The following RP1 variants were observed in gnomAD, a reference collection of about 807,000 sequenced individuals.
RP1 encodes oxygen-regulated protein 1.
RP1 carries 16 observed loss-of-function variants against 14.8 expected under a neutral mutation model. That is an observed-to-expected ratio of 1.08 (90% CI 0.73 to 1.65). The LOEUF (loss-of-function observed/expected upper bound fraction) is 1.65. Ranked by LOEUF, RP1 falls within the 40% of genes most tolerant of loss-of-function variation. RP1 has a pLI of 0.00. For synonymous variants in RP1, 876 were observed against 883.6 expected, an observed-to-expected ratio of 0.99 and a Z score of 0.15; for missense variants, 2,631 against 2,535.0, an observed-to-expected ratio of 1.04 and a Z score of -0.81.
At chr8:54,827,188 A>G (rs2129399495) in intron 24 of RP1, among the ~76,000 whole-genome samples, 1 of 151,626 alleles carries the variant, frequency 6.6e-6, no homozygotes, top group South Asian at 2.1e-4. Flanking sequence ...CTGGACACCA[A>G]GCCTACACTA....
intron 19 of RP1, among the ~76,000 whole-genome samples, chr8:54,741,611 G>A (rs1025535789): frequency 6.7e-6 from 1 of 149,254 alleles, no homozygotes; most frequent in African/African-American, 2.5e-5. Context: ...GCATTTCTTG[G>A]AAAGTATCCC....
intron 24 of RP1, among the ~76,000 whole-genome samples, chr8:54,827,253 T>C (rs1161985682): frequency 6.6e-6 from 1 of 152,200 alleles, no homozygotes; most frequent in Admixed American, 6.5e-5. Flanking sequence ...TAGCTTACTG[T>C]TTGATTTTTC....
rs1264975642 is a variant in RP1 at position 54,629,044 on chromosome 8, C to T, written c.5162C>T (p.Pro1721Leu). The T allele has an allele frequency of 1.2e-6, 2 of 1,613,902 alleles. No individual in the cohort carries two copies. Among genetic ancestry groups the T allele is most frequent in the South Asian group, 2.2e-5 (2 of 91,086 alleles). ...TATTGTAGGGGTGACATTGTAGAAC[C>T]TGGTACAAAACAAAATGATGATAGC... ...DNYCRGDIVE[P>L]GTKQNDDSRI... Residue 1721 changes from proline (P) to leucine (L), a missense_variant, in exon 4 of 4, where the codon CCT becomes CTT. Pro to Leu is a moderately conservative substitution (Grantham distance 98). Transcript: ENST00000220676.
chr8:54,697,194 G>T (rs1475350070), intron 12 of RP1: 1 of 718,926 alleles, frequency 1.4e-6, no homozygotes, highest in Non-Finnish European at 2.4e-6. Context: ...TTTTTTGGGG[G>T]AATTTTTATC....
rs560286650 is a variant in RP1 at position 54,603,235 on chromosome 8, C to G, written c.-12-17720C>G. ...TTGTATAAGGTGTAAGGAAGGGATC[C>G]TGTTTCAGCTTTCTACATATGGCTA... is the stretch of plus-strand genomic sequence containing the variant. On this transcript the variant is annotated intron_variant, in intron 1 of 22. Coordinates refer to the RP1 transcript ENST00000636932. Among the ~76,000 whole-genome samples, 26 of 151,976 alleles carry G rather than the reference C, an allele frequency of 1.7e-4. No individual in the cohort carries two copies. The East Asian group carries it at 5.0e-3, about 29-fold the overall frequency.
chr8:54,710,553 G>T (rs142252530), intron 15 of RP1, among the ~76,000 whole-genome samples: 1 of 152,322 alleles, frequency 6.6e-6, no homozygotes, highest in East Asian at 1.9e-4. Flanking sequence ...CCCGCACTTG[G>T]TGCATCCTGA....
Position 54,621,037 on chromosome 8 carries a change from C to G in RP1, c.71C>G (p.Pro24Arg), listed in dbSNP as rs2129314077. The change falls in exon 2 of 4, where the codon CCT becomes CGT. Residue 24 changes from proline (P) to arginine (R), a missense_variant. By Grantham distance (103) the Pro-to-Arg change is moderately radical. Coordinates refer to ENST00000220676, the MANE Select transcript of RP1 (RefSeq NM_006269.2). The part of the protein sequence containing the change: ...PTSSEGQVPP[P>R]RHLSLTHPVV... ...TCTTCTGAAGGTCAAGTTCCACCCC[C>G]TCGCCATTTGAGCCTCACTCATCCT... is the stretch of plus-strand genomic sequence containing the variant. The G allele has an allele frequency of 1.9e-6, 3 of 1,614,186 alleles. No individual in the cohort carries two copies. The highest frequency in any genetic ancestry group is 2.5e-6 in the Non-Finnish European group (3 of 1,180,036).
intron 6 of RP1, among the ~76,000 whole-genome samples, chr8:54,659,285 A>G (rs1423043572): frequency 6.6e-6 from 1 of 152,214 alleles, no homozygotes; most frequent in African/African-American, 2.4e-5. Context: ...GTCATATTCA[A>G]GAAATAACTG....
rs551003087 is a variant in RP1 at position 54,833,948 on chromosome 8, GA to G, written c.3616-3494del. 4.6e-5 allele frequency among the ~76,000 whole-genome samples: 7 copies of G among 151,308 alleles called. No individual in the cohort carries two copies. The East Asian group carries it at 1.2e-3, about 25-fold the overall frequency. ...AGAGAACGAAGGAAACACATGAAAT[GA>G]AAAAAAATCAACAGCTATATGATTT... On this transcript the variant is annotated intron_variant, in intron 24 of 28. Coordinates refer to the RP1 transcript ENST00000637698.
Position 54,735,106 on chromosome 8 carries a change from T to C in RP1, c.2721+362T>C, listed in dbSNP as rs558313397. 2.0e-5 allele frequency among the ~76,000 whole-genome samples: 3 copies of C among 152,302 alleles called. No individual in the cohort carries two copies. The South Asian group carries it at 6.2e-4, about 32-fold the overall frequency. ...CTTCTTTTATATACTTGCATATACT[T>C]ATAGATGTTGCTCAGCTGAGCTATA... On this transcript the variant is annotated intron_variant, in intron 18 of 22. Coordinates refer to the RP1 transcript ENST00000636932.
intron 25 of RP1, among the ~76,000 whole-genome samples, chr8:54,841,458 G>C (rs1811787692): frequency 6.6e-6 from 1 of 152,184 alleles, no homozygotes; most frequent in Non-Finnish European, 1.5e-5. Context: ...CTTACACTCT[G>C]AGCTGATTAA....
intron 16 of RP1, among the ~76,000 whole-genome samples, chr8:54,725,987 G>A (rs931813873): frequency 3.3e-5 from 5 of 152,098 alleles, no homozygotes; most frequent in African/African-American, 7.2e-5. Flanking sequence ...TTTGAATGAC[G>A]TTTTAGTTTC....
intron 19 of RP1, among the ~76,000 whole-genome samples, chr8:54,741,711 A>ATG (rs1212259211): frequency 2.9e-4 from 28 of 95,680 alleles, no homozygotes; most frequent in Admixed American, 2.7e-3. Flanking sequence ...GTGTGTGTAT[A>ATG]TATATATATA....
At chr8:54,760,976 A>G (rs927374715) in intron 22 of RP1, among the ~76,000 whole-genome samples, 1 of 152,138 alleles carries the variant, frequency 6.6e-6, no homozygotes, top group Non-Finnish European at 1.5e-5. Context: ...GTCATTTCCC[A>G]GCCTGCTCCC....
chr8:54,795,152 G>A (rs184299280), intron 24 of RP1, among the ~76,000 whole-genome samples: 18 of 152,000 alleles, frequency 1.2e-4, no homozygotes, highest in East Asian at 5.8e-4. Flanking sequence ...GGAATGTATC[G>A]GTACAGACAT....
rs948179692 is a variant in RP1, at chr8:54,623,470, A to AT, written c.788-1188dup. On this transcript the variant is annotated intron_variant, in intron 3 of 3. Transcript: ENST00000220676. ...AAATCTATATAGATTTGCTAACAGGATTTTTTTTTTTTCTTTTTGAGATGG... is the reference window on the plus strand; with the variant it reads ...AAATCTATATAGATTTGCTAACAGGATTTTTTTTTTTTTCTTTTTGAGATGG... Among the ~76,000 whole-genome samples, 747 of 146,086 alleles carry AT rather than the reference A, an allele frequency of 5.1e-3. 9 individuals are homozygous for AT. Among genetic ancestry groups the AT allele is most frequent in the African/African-American group, 0.016 (654 of 40,042 alleles).
intron 8 of RP1, among the ~76,000 whole-genome samples, chr8:54,676,340 A>T (rs1807294719): frequency 6.6e-6 from 1 of 152,178 alleles, no homozygotes; most frequent in African/African-American, 2.4e-5. Flanking sequence ...GTAATAGGAG[A>T]GGGTAGTAGG....
intron 6 of RP1, among the ~76,000 whole-genome samples, chr8:54,662,052 C>A (rs748570101): frequency 5.9e-5 from 9 of 152,056 alleles, no homozygotes; most frequent in Admixed American, 2.0e-4. Context: ...TGTATCCTGA[C>A]TGCTTTAAAA....
rs549749050 is a variant in RP1 at position 54,698,129 on chromosome 8, T to C, written c.1718-1338T>C. ...CACCTACAGAATGGGAGAAAAGTTT[T>C]GCAATCTACCCATCTGACAAAGGGC... On this transcript the variant is annotated intron_variant, in intron 12 of 22. Coordinates refer to the RP1 transcript ENST00000636932. Among the ~76,000 whole-genome samples, 26 of 152,326 alleles carry C rather than the reference T, an allele frequency of 1.7e-4. No individual in the cohort carries two copies. The South Asian group carries it at 4.6e-3, about 27-fold the overall frequency.
Sources: allele counts gnomAD v4.1 joint callset (sites outside exome capture counted in the v4.1 genomes callset), GRCh38; gene constraint gnomAD v4.1.1; transcripts MANE v1.5; gene names NCBI Gene and HGNC (gene_info 2026-07-23, HGNC 2026-07-21).